The following GALNT11 variants were observed in gnomAD, a reference collection of about 807,000 sequenced individuals.
GALNT11 encodes UDP-GalNAc:polypeptide N-acetylgalactosaminyltransferase 11.
In GALNT11, 47 loss-of-function variants were observed where a neutral mutation model predicts 72.7. The observed-to-expected ratio is 0.65, with a 90% CI of 0.51 to 0.82. The LOEUF is 0.82. GALNT11 is among the 40% of genes least tolerant of loss of function. The pLI is 0.00. For missense variants in GALNT11, 677 were observed against 778.4 expected, an observed-to-expected ratio of 0.87 and a Z score of 1.55; for synonymous variants, 270 against 286.6, an observed-to-expected ratio of 0.94 and a Z score of 0.58.
chr7:152,037,119 G>A (rs1270083470), intron 1 of GALNT11, among the ~76,000 whole-genome samples: 1 of 152,086 alleles, frequency 6.6e-6, no homozygotes, highest in Non-Finnish European at 1.5e-5. Context: ...CTGTGGTGGG[G>A]TATTACTCCA....
chr7:152,115,145 C>T (rs1435449041), intron 8 of GALNT11, among the ~76,000 whole-genome samples: 1 of 152,152 alleles, frequency 6.6e-6, no homozygotes, highest in Non-Finnish European at 1.5e-5. Flanking sequence ...CCATAGTTCT[C>T]AACACATGGT....
intron 1 of GALNT11, among the ~76,000 whole-genome samples, chr7:152,069,446 C>T (rs2084499284): frequency 6.6e-6 from 1 of 152,188 alleles, no homozygotes; most frequent in Non-Finnish European, 1.5e-5. Flanking sequence ...ATTGATAGTG[C>T]TGTGCTGTTC....
intron 1 of GALNT11, among the ~76,000 whole-genome samples, chr7:152,054,650 C>G (rs1006913951): frequency 6.6e-6 from 1 of 151,410 alleles, no homozygotes; most frequent in African/African-American, 2.4e-5. Context: ...TAGCTGGGAA[C>G]ACAGGTGCAC....
intron 1 of GALNT11, among the ~76,000 whole-genome samples, chr7:152,054,255 A>G (rs1288279190): frequency 6.6e-6 from 1 of 151,950 alleles, no homozygotes; most frequent in African/African-American, 2.4e-5. Context: ...AAACTTGGAA[A>G]GAGTTGGTAA....
intron 1 of GALNT11, among the ~76,000 whole-genome samples, chr7:152,036,916 AT>A (rs2082607523): frequency 2.0e-5 from 3 of 152,134 alleles, no homozygotes; most frequent in Admixed American, 6.5e-5. Context: ...ACCTTTGCTC[AT>A]TTTTTAATAG....
chr7:152,041,536 T>G (rs1302127605), intron 1 of GALNT11, among the ~76,000 whole-genome samples: 1 of 152,378 alleles, frequency 6.6e-6, no homozygotes, highest in East Asian at 1.9e-4. Context: ...AAAGCCATTC[T>G]AAGTCCAGCT....
In GALNT11 at chr7:152,066,221, G is replaced by A. The variant is rs191762636; in HGVS notation, c.-38-27969G>A. ...TAGCAATGAGCAAGGCTCCGTGGGC[G>A]TGGGACCCTCCGAGCCAGGCATGGG... On this transcript the variant is annotated intron_variant, in intron 1 of 11. Transcript: ENST00000430044. 5.3e-5 allele frequency among the ~76,000 whole-genome samples: 8 copies of A among 152,338 alleles called. No individual in the cohort carries two copies. The East Asian group carries it at 7.7e-4, about 15-fold the overall frequency.
intron 1 of GALNT11, among the ~76,000 whole-genome samples, chr7:152,080,361 G>A (rs1350610795): frequency 6.6e-6 from 1 of 151,960 alleles, no homozygotes; most frequent in East Asian, 1.9e-4. Context: ...TTTCAAGTTA[G>A]GGAGTTTCTG....
At chr7:152,037,583 A>G (rs2082642225) in intron 1 of GALNT11, among the ~76,000 whole-genome samples, 1 of 151,946 alleles carries the variant, frequency 6.6e-6, no homozygotes, top group Non-Finnish European at 1.5e-5. Flanking sequence ...GTCTTTTGTT[A>G]TTCCATATAA....
At chr7:152,054,025 GT>G (rs1441283757) in intron 1 of GALNT11, among the ~76,000 whole-genome samples, 1 of 151,962 alleles carries the variant, frequency 6.6e-6, no homozygotes, top group Non-Finnish European at 1.5e-5. Flanking sequence ...TTCCTTGTAT[GT>G]TTCTCTAGTG....
chr7:152,050,370 G>A lies in GALNT11; in HGVS notation c.-39+24486G>A, dbSNP rs900458001. On this transcript the variant is annotated intron_variant, in intron 1 of 11. Coordinates refer to ENST00000430044, the MANE Select transcript of GALNT11 (RefSeq NM_022087.4). ...TAGGTCCTTCCGTTCAAGGTAGCAG[G>A]TTCCCTTGTAGCCCAGGCTGTGTCT... Among the ~76,000 whole-genome samples, 33 of 152,192 alleles carry A rather than the reference G, an allele frequency of 2.2e-4. 1 individual carries two copies. The highest frequency in any genetic ancestry group is 1.1e-3 in the Admixed American group (17 of 15,286).
intron 2 of GALNT11, among the ~76,000 whole-genome samples, chr7:152,097,951 A>G (rs892131195): frequency 1.3e-5 from 2 of 152,220 alleles, no homozygotes; most frequent in Non-Finnish European, 1.5e-5. Flanking sequence ...AACATTGAGA[A>G]TGTACTAAAT....
intron 1 of GALNT11, among the ~76,000 whole-genome samples, chr7:152,088,762 T>A (rs765473395): frequency 9.2e-5 from 14 of 152,200 alleles, no homozygotes; most frequent in Non-Finnish European, 2.1e-4. Context: ...CATTCAAAGG[T>A]ACTACAGGGC....
At chr7:152,100,057 G>T (rs2086734172) in intron 2 of GALNT11, among the ~76,000 whole-genome samples, 1 of 151,380 alleles carries the variant, frequency 6.6e-6, no homozygotes, top group South Asian at 2.1e-4. Context: ...GGGATCACAG[G>T]CGTGAGCCAT....
Position 152,121,735 on chromosome 7 carries a change from G to C in GALNT11, c.*58G>C. On this transcript the variant is annotated 3_prime_UTR_variant, in exon 12 of 12. Transcript: ENST00000430044. ...AGGCGTTGCCTCCGGTGTGGAGTTT[G>C]GGGCTTTAGGAAAGCCTGGGTTGGG... is the stretch of plus-strand genomic sequence containing the variant. 1 of 1,576,600 alleles carries C rather than the reference G, an allele frequency of 6.3e-7. No homozygotes were observed. The highest frequency in any genetic ancestry group is 1.2e-5 in the South Asian group (1 of 86,016).
At chr7:152,066,560 C>G (rs949480645) in intron 1 of GALNT11, among the ~76,000 whole-genome samples, 1 of 152,180 alleles carries the variant, frequency 6.6e-6, no homozygotes, top group Non-Finnish European at 1.5e-5. Context: ...TGGAGCTGTT[C>G]CTATTTGGCC....
chr7:152,115,497 C>T (rs1441446049), intron 8 of GALNT11, among the ~76,000 whole-genome samples: 6 of 152,170 alleles, frequency 3.9e-5, no homozygotes, highest in Non-Finnish European at 8.8e-5. Flanking sequence ...TACTGAAGTA[C>T]GGTGCTTGGT....
Position 152,105,014 on chromosome 7 carries a change from CTG to C in GALNT11, c.587-229_587-228del, listed in dbSNP as rs1587396587. The stretch of plus-strand genomic sequence containing the variant: ...CGATGCTATGGAGATACAAATAAGT[CTG>C]TAACTAAAGTAAGTATTCCTCTTTG... On this transcript the variant is annotated intron_variant, in intron 4 of 11. Coordinates refer to ENST00000430044, the MANE Select transcript of GALNT11 (RefSeq NM_022087.4). The C allele has an allele frequency of 3.2e-5, 11 of 345,288 alleles. No homozygotes were observed. In the East Asian group the frequency reaches 5.8e-4, roughly 18 times the overall value. 21.4% of individuals were successfully genotyped at this position (345,288 alleles called of 1,614,324 possible).
At chr7:152,102,959 C>T (rs1241203032) in intron 3 of GALNT11, among the ~76,000 whole-genome samples, 153 bp from the exon 4 acceptor site, 10 of 121,632 alleles carry the variant, frequency 8.2e-5, no homozygotes, top group Non-Finnish European at 1.3e-4. Flanking sequence ...CCAGCCTGGG[C>T]AACAAGAGCG....
Sources: allele counts gnomAD v4.1 joint callset (sites outside exome capture counted in the v4.1 genomes callset), GRCh38; gene constraint gnomAD v4.1.1; transcripts MANE v1.5; gene names NCBI Gene and HGNC (gene_info 2026-07-23, HGNC 2026-07-21).